LDB3: variants seen among roughly 807,000 people sequenced by gnomAD.
LDB3 encodes the protein LIM domain binding 3, also known as LIM domain-binding protein 3.
LDB3 carries 49 observed loss-of-function variants against 69.0 expected under a neutral mutation model. That is an observed-to-expected ratio of 0.71 (90% CI 0.56 to 0.90). The LOEUF is 0.90. LDB3 is among the 40% of genes least tolerant of loss of function. The pLI is 0.00. For synonymous variants in LDB3, 387 were observed against 396.2 expected (o/e 0.98, Z 0.28); for missense variants, 928 against 974.1 (o/e 0.95, Z 0.63).
intron 5 of LDB3, among the ~76,000 whole-genome samples, chr10:86,690,968 G>A (rs757231700): frequency 6.6e-6 from 1 of 152,192 alleles, no homozygotes; most frequent in Non-Finnish European, 1.5e-5. Flanking sequence ...TGTTACTGTT[G>A]TGGGCTTCAC....
chr10:86,689,275 G>A lies in LDB3; in HGVS notation c.690-2621G>A, dbSNP rs7086122. 4.7e-3 allele frequency among the ~76,000 whole-genome samples: 719 copies of A among 152,194 alleles called. 4 individuals carry two copies. Among genetic ancestry groups the A allele is most frequent in the African/African-American group, 0.017 (689 of 41,522 alleles). ...TGCTTGGCAGGGCGTCACCGCTGGC[G>A]TAAGTAGACCCTGCAGTGTCTGTCC... is the stretch of plus-strand genomic sequence containing the variant. On this transcript the variant is annotated intron_variant, in intron 5 of 13. Transcript: ENST00000361373.
Position 86,696,578 on chromosome 10 carries a change from G to A in LDB3, c.896+4007G>A, listed in dbSNP as rs918925098. ...GATTGGACTCTCCAGGACTGTCCCT[G>A]TCCCTGTCACTAAGCACTAATGACA... On this transcript the variant is annotated intron_variant, in intron 7 of 13. Coordinates refer to ENST00000361373, the MANE Select transcript of LDB3 (RefSeq NM_007078.3). Among the ~76,000 whole-genome samples, 5 of 152,178 alleles carry A rather than the reference G, an allele frequency of 3.3e-5. No individual in the cohort carries two copies. In the East Asian group the frequency reaches 9.6e-4, roughly 29 times the overall value.
chr10:86,675,178 GCA>G (rs1844723623), intron 2 of LDB3, among the ~76,000 whole-genome samples: 3 of 142,458 alleles, frequency 2.1e-5, no homozygotes, highest in African/African-American at 7.3e-5. Flanking sequence ...TCCCTTGGGA[GCA>G]AGCATCCCCC....
At position 86,699,681 on chromosome 10, in the gene LDB3, G is replaced by A. The variant is rs756180553; in HGVS notation, c.897-6850G>A. 83 of 1,233,434 alleles carry A rather than the reference G, an allele frequency of 6.7e-5. No homozygotes were observed. The highest frequency in any genetic ancestry group is 8.3e-5 in the Non-Finnish European group (81 of 973,952). The allele number at this position is 1,233,434 out of a possible 1,614,324, so 76.4% of individuals were successfully genotyped here. A position where few individuals can be genotyped will look rare whatever the true frequency, so the allele number is the denominator to read the frequency against. ...AGCTGTAGACCAGAGAGGGCAGGAG[G>A]GGTTTGCTGGCATAACACCCCAGAA... On this transcript the variant is annotated intron_variant, in intron 7 of 13. Coordinates refer to ENST00000361373, the MANE Select transcript of LDB3 (RefSeq NM_007078.3). The surrounding 1 kb of genome is among the most constrained non-coding windows in gnomAD (Gnocchi z 4.9).
intron 5 of LDB3, 85 bp downstream of exon 5, chr10:86,681,888 G>A: frequency 1.4e-6 from 2 of 1,404,418 alleles, no homozygotes; most frequent in Non-Finnish European, 1.9e-6. Flanking sequence ...CAGGTGGTCA[G>A]AGCGAGGCAC....
intron 7 of LDB3, among the ~76,000 whole-genome samples, chr10:86,695,211 C>T (rs1431864760): frequency 6.6e-6 from 1 of 152,222 alleles, no homozygotes; most frequent in African/African-American, 2.4e-5. Flanking sequence ...AGGCATTCTG[C>T]ACCAGGCAGG....
intron 10 of LDB3, among the ~76,000 whole-genome samples, chr10:86,717,128 G>C (rs557240217): frequency 1.1e-3 from 168 of 152,326 alleles, no homozygotes; most frequent in African/African-American, 3.9e-3. Flanking sequence ...TTTTGACCCA[G>C]TTTTCCTTTA....
intron 5 of LDB3, chr10:86,685,727 T>TGC (rs1845430098): frequency 6.2e-7 from 1 of 1,613,844 alleles, no homozygotes; most frequent in African/African-American, 1.3e-5. Context: ...AGCATGTGTG[T>TGC]GCGCTTGCGT....
rs1444853473 is a variant in LDB3 at position 86,681,777 on chromosome 10, G to A, written c.663G>A (p.Lys221=). 6.3e-7 allele frequency: 1 copy of A among 1,598,534 alleles called. No individual in the cohort carries two copies. The highest frequency in any genetic ancestry group is 1.7e-5 in the Admixed American group (1 of 58,010). The change falls in exon 5 of 14, where the codon AAG becomes AAA. Residue 221 remains lysine, a synonymous_variant. Transcript: ENST00000361373. ...TGTACCAGATGAGCCTCCGAGGGAA[G>A]GCCTCGGGTGTCGGACTCCCAGGAG... ...AQMYQMSLRG[K]ASGVGLPGGS... is the part of the protein sequence containing the mutation.
chr10:86,702,965 AATG>A (rs1846318342), intron 7 of LDB3, among the ~76,000 whole-genome samples: 1 of 152,106 alleles, frequency 6.6e-6, no homozygotes, highest in Non-Finnish European at 1.5e-5. Context: ...TGCTGTGGTC[AATG>A]ATGAATTTTC....
At chr10:86,701,748 G>A (rs1846269687) in intron 7 of LDB3, among the ~76,000 whole-genome samples, 1 of 152,144 alleles carries the variant, frequency 6.6e-6, no homozygotes. Flanking sequence ...ACAAAAGGCT[G>A]GACAGATACT....
intron 7 of LDB3, among the ~76,000 whole-genome samples, chr10:86,701,962 A>T (rs371392126): frequency 6.6e-6 from 1 of 152,326 alleles, no homozygotes; most frequent in East Asian, 1.9e-4. Flanking sequence ...ACTATAGCTG[A>T]TGAGGTGTTC....
Position 86,679,405 on chromosome 10 carries a change from C to G in LDB3, c.132C>G (p.Ser44Arg). ...PGSKAAQSQL[S>R]QGDLVVAIDG... is the part of the protein sequence containing the mutation. ...GCAAGGCAGCCCAGTCCCAGCTCAGCCAGGGTGACCTCGTGGTGGCCATTG... is the reference window on the plus strand; with the variant it reads ...GCAAGGCAGCCCAGTCCCAGCTCAGGCAGGGTGACCTCGTGGTGGCCATTG... Residue 44 changes from serine (S) to arginine (R), a missense_variant, in exon 3 of 14, where the codon AGC becomes AGG. Physicochemically the swap from Ser to Arg is moderately radical, Grantham distance 110. Transcript: ENST00000361373. 6.2e-7 allele frequency: 1 copy of G among 1,614,182 alleles called. No homozygotes were observed. The highest frequency in any genetic ancestry group is 8.5e-7 in the Non-Finnish European group (1 of 1,180,030).
At chr10:86,671,174 C>T (rs1844451503) in intron 2 of LDB3, among the ~76,000 whole-genome samples, 1 of 152,200 alleles carries the variant, frequency 6.6e-6, no homozygotes, top group Non-Finnish European at 1.5e-5. Flanking sequence ...CAGAGCCTGG[C>T]AAACTGAGGC....
intron 12 of LDB3, among the ~76,000 whole-genome samples, chr10:86,724,465 G>T (rs1847187900): frequency 6.6e-6 from 1 of 151,698 alleles, no homozygotes; most frequent in Admixed American, 6.6e-5. Flanking sequence ...ATAGCTGGGT[G>T]TGGTGGCGCG....
chr10:86,689,265 C>T (rs779483568), intron 5 of LDB3, among the ~76,000 whole-genome samples: 34 of 152,140 alleles, frequency 2.2e-4, no homozygotes, highest in South Asian at 6.2e-4. Flanking sequence ...GGCAGGGCGT[C>T]ACCGCTGGCG....
chr10:86,701,064 C>G (rs1024017215), intron 7 of LDB3, among the ~76,000 whole-genome samples: 1 of 152,240 alleles, frequency 6.6e-6, no homozygotes, highest in African/African-American at 2.4e-5. Context: ...GCCGCTCTCT[C>G]CTGCCCATCC....
Position 86,668,588 on chromosome 10 carries a change from G to A in LDB3, c.-24+18G>A, listed in dbSNP as rs1054080127. 110 of 921,854 alleles carry A rather than the reference G, an allele frequency of 1.2e-4. 2 individuals carry two copies. Among genetic ancestry groups the A allele is most frequent in the Middle Eastern group, 1.1e-3 (5 of 4,728 alleles). 57.1% of individuals were successfully genotyped at this position (921,854 alleles called of 1,614,324 possible). A position where few individuals can be genotyped will look rare whatever the true frequency, so the allele number is the denominator to read the frequency against. On this transcript the variant is annotated intron_variant, in intron 1 of 13. Coordinates refer to ENST00000361373, the MANE Select transcript of LDB3 (RefSeq NM_007078.3). ...CAGAACAGGCAAGGCTGGGGGTCAGGGGCAGGGGCAGAGGTGTGGACCGGG... is the reference window on the plus strand; with the variant it reads ...CAGAACAGGCAAGGCTGGGGGTCAGAGGCAGGGGCAGAGGTGTGGACCGGG...
intron 6 of LDB3, among the ~76,000 whole-genome samples, 196 bp downstream of exon 6, chr10:86,692,261 G>T (rs1483116645): frequency 2.6e-5 from 4 of 152,250 alleles, no homozygotes; most frequent in Non-Finnish European, 4.4e-5. Flanking sequence ...GCAGCCTTCT[G>T]CTCCAATGCC....
Sources: gnomAD v4.1 joint callset for allele counts (sites outside exome capture counted in the v4.1 genomes callset) on GRCh38, gnomAD v4.1.1 for gene constraint, Gnocchi (gnomAD v3.1) non-coding constraint, MANE v1.5 for transcripts, NCBI Gene and HGNC (gene_info 2026-07-23, HGNC 2026-07-21) for gene names.